The following ZNF431 variants were observed in gnomAD, a reference collection of about 807,000 sequenced individuals.
The protein encoded by ZNF431 is zinc finger protein 431.
Under a neutral mutation model 57.0 loss-of-function variants are expected in ZNF431, and 34 were observed. That is an observed-to-expected ratio of 0.60 (90% CI 0.45 to 0.79). The LOEUF (loss-of-function observed/expected upper bound fraction) is 0.79. Among genes scored for constraint, ZNF431 ranks in the 30% least tolerant of loss-of-function variants. The probability of loss-of-function intolerance (pLI) is 0.00; values close to 1 mark genes in which losing one functional copy is unlikely to be tolerated. For missense variants in ZNF431, 607 were observed against 667.1 expected (o/e 0.91, Z 0.99); for synonymous variants, 207 against 220.3 (o/e 0.94, Z 0.54).
rs997564803 is a variant in ZNF431 at position 21,187,981 on chromosome 19, G to C, written c.*3947G>C. The C allele has an allele frequency of 2.6e-5, 4 of 152,102 alleles. No homozygotes were observed. The highest frequency in any genetic ancestry group is 4.8e-5 in the African/African-American group (2 of 41,404). The allele number at this position is 152,102 out of a possible 1,614,324, so 9.4% of individuals were successfully genotyped here. ...TGCTTATCAGAACAGTTAAAAGGCA[G>C]CCAGGTGTGGCTCACGCCTGTAATC... is the stretch of plus-strand genomic sequence containing the variant. On this transcript the variant is annotated 3_prime_UTR_variant, in exon 5 of 5. Transcript: ENST00000311048.
rs991790754 is a variant in ZNF431 at position 21,194,703 on chromosome 19, C to T, written c.*10669C>T. The T allele has an allele frequency of 6.6e-6, 1 of 152,026 alleles. No individual in the cohort carries two copies. Among genetic ancestry groups the T allele is most frequent in the Non-Finnish European group, 1.5e-5 (1 of 68,008 alleles). The allele number at this position is 152,026 out of a possible 1,614,324, so 9.4% of individuals were successfully genotyped here. A position where few individuals can be genotyped will look rare whatever the true frequency, so the allele number is the denominator to read the frequency against. On this transcript the variant is annotated 3_prime_UTR_variant, in exon 5 of 5. Coordinates refer to ENST00000311048, the MANE Select transcript of ZNF431 (RefSeq NM_133473.4). ...AGGCTGGTCTCAAACTCCCGGCGTC[C>T]CAAAGTGCTGGGATTACAGGTGCGA...
intron 4 of ZNF431, among the ~76,000 whole-genome samples, chr19:21,177,133 A>T (rs1230159684): frequency 2.6e-5 from 4 of 152,278 alleles, no homozygotes; most frequent in Admixed American, 2.0e-4. Flanking sequence ...AGTATTGCCT[A>T]GATTTTCTTC....
At chr19:21,149,625 A>G (rs1200832100) in intron 2 of ZNF431, 2 of 301,272 alleles carry the variant, frequency 6.6e-6, no homozygotes, top group Non-Finnish European at 1.3e-5. Context: ...ATTTTTATGT[A>G]TAGAAAACTC....
rs2145079308 is a variant in ZNF431 at position 21,191,227 on chromosome 19, G to C, written c.*7193G>C. On this transcript the variant is annotated 3_prime_UTR_variant, in exon 5 of 5. Coordinates refer to ENST00000311048, the MANE Select transcript of ZNF431 (RefSeq NM_133473.4). Reference sequence around the variant, plus strand: ...CCCAGCACTTTGGGAGGCCGAGGCAGGTGGATCACGAGGTCAGAAGTTCGA... The same window carrying C: ...CCCAGCACTTTGGGAGGCCGAGGCACGTGGATCACGAGGTCAGAAGTTCGA... The C allele has an allele frequency of 6.6e-6, 1 of 152,212 alleles. No individual in the cohort carries two copies. The highest frequency in any genetic ancestry group is 2.1e-4 in the South Asian group (1 of 4,814). 9.4% of individuals were successfully genotyped at this position (152,212 alleles called of 1,614,324 possible).
At chr19:21,157,699 T>G (rs963076566) in intron 2 of ZNF431, among the ~76,000 whole-genome samples, 5 of 149,942 alleles carry the variant, frequency 3.3e-5, no homozygotes, top group African/African-American at 1.3e-4. Context: ...GCCTGGCTAA[T>G]TTTTTTGGAT....
At chr19:21,155,336 T>G (rs1599584622) in intron 2 of ZNF431, among the ~76,000 whole-genome samples, 1 of 152,198 alleles carries the variant, frequency 6.6e-6, no homozygotes, top group African/African-American at 2.4e-5. Context: ...GTTGTAGATA[T>G]GCAGCATTAT....
chr19:21,160,410 A>G (rs1970539504), intron 2 of ZNF431, among the ~76,000 whole-genome samples: 1 of 152,228 alleles, frequency 6.6e-6, no homozygotes, highest in Admixed American at 6.5e-5. Flanking sequence ...CAGAGCCATG[A>G]CAACCACAAC....
In ZNF431 at chr19:21,185,329, T is replaced by G. The variant is rs1971341557; in HGVS notation, c.*1295T>G. The G allele has an allele frequency of 6.6e-6, 1 of 152,202 alleles. No homozygotes were observed. The highest frequency in any genetic ancestry group is 2.1e-4 in the South Asian group (1 of 4,834). 9.4% of individuals were successfully genotyped at this position (152,202 alleles called of 1,614,324 possible). ...TTATTTCTTGAAAAATATTACAGAT[T>G]TTTTGAAAATTGAATAATGTCATCA... On this transcript the variant is annotated 3_prime_UTR_variant, in exon 5 of 5. Transcript: ENST00000311048.
intron 4 of ZNF431, among the ~76,000 whole-genome samples, chr19:21,173,754 T>G (rs1970972526): frequency 6.6e-6 from 1 of 152,102 alleles, no homozygotes; most frequent in African/African-American, 2.4e-5. Context: ...CTTGAACTCC[T>G]GACCTCAGAT....
At chr19:21,172,396 C>T (rs1970925448) in intron 4 of ZNF431, among the ~76,000 whole-genome samples, 1 of 150,292 alleles carries the variant, frequency 6.7e-6, no homozygotes, top group African/African-American at 2.5e-5. Context: ...CCACCACACT[C>T]CAGCCTGGGT....
rs947420992 is a variant in ZNF431 at position 21,186,116 on chromosome 19, C to G, written c.*2082C>G. ...TGGCCAATATGGAGAAATCCCGTCT[C>G]TACTAAAAATACAAAAATTAGCCAG... On this transcript the variant is annotated 3_prime_UTR_variant, in exon 5 of 5. Coordinates refer to ENST00000311048, the MANE Select transcript of ZNF431 (RefSeq NM_133473.4). The G allele has an allele frequency of 2.0e-5, 3 of 151,890 alleles. No individual in the cohort carries two copies. The highest frequency in any genetic ancestry group is 4.4e-5 in the Non-Finnish European group (3 of 68,000). 9.4% of individuals were successfully genotyped at this position (151,890 alleles called of 1,614,324 possible). A position where few individuals can be genotyped will look rare whatever the true frequency, so the allele number is the denominator to read the frequency against.
At chr19:21,145,877 C>G (rs1006824983) in intron 2 of ZNF431, among the ~76,000 whole-genome samples, 1 of 151,880 alleles carries the variant, frequency 6.6e-6, no homozygotes, top group Non-Finnish European at 1.5e-5. Context: ...GCAAATGAAC[C>G]GTGAAAAATC....
In ZNF431 at chr19:21,190,974, T is replaced by G. The variant is rs1971499357; in HGVS notation, c.*6940T>G. On this transcript the variant is annotated 3_prime_UTR_variant, in exon 5 of 5. Coordinates refer to ENST00000311048, the MANE Select transcript of ZNF431 (RefSeq NM_133473.4). ...TCCGGCCTATTATTTTTAATAATTT[T>G]TTATTGTTGTCATTTTAAATACACT... 6.6e-6 allele frequency: 1 copy of G among 152,124 alleles called. No individual in the cohort carries two copies. The highest frequency in any genetic ancestry group is 1.5e-5 in the Non-Finnish European group (1 of 68,032). 9.4% of individuals were successfully genotyped at this position (152,124 alleles called of 1,614,324 possible).
In ZNF431 at chr19:21,180,631, A is replaced by G. The variant is rs142531961; in HGVS notation, c.320-1992A>G. ...ATTATATAAAACCTCTAAAAGATAC[A>G]ACAATGTATTTTAATCTGGTAAAAA... On this transcript the variant is annotated intron_variant, in intron 4 of 4. Coordinates refer to ENST00000311048, the MANE Select transcript of ZNF431 (RefSeq NM_133473.4). Among the ~76,000 whole-genome samples, 1,351 of 152,334 alleles carry G rather than the reference A, an allele frequency of 8.9e-3. 22 individuals carry two copies. Among genetic ancestry groups the G allele is most frequent in the South Asian group, 0.047 (229 of 4,828 alleles).
rs956215776 is a variant in ZNF431, at chr19:21,192,257, C to G, written c.*8223C>G. On this transcript the variant is annotated 3_prime_UTR_variant, in exon 5 of 5. Coordinates refer to ENST00000311048, the MANE Select transcript of ZNF431 (RefSeq NM_133473.4). ...GATCTTGGCTCACTGCAACCTCTGC[C>G]TCCCTGGCTGAAGCGGTTCTCCTGC... 7.2e-5 allele frequency: 11 copies of G among 152,200 alleles called. No individual in the cohort carries two copies. Among genetic ancestry groups the G allele is most frequent in the African/African-American group, 2.4e-4 (10 of 41,454 alleles). The allele number at this position is 152,200 out of a possible 1,614,324, so 9.4% of individuals were successfully genotyped here.
At chr19:21,169,505 T>C (rs931275254) in intron 4 of ZNF431, among the ~76,000 whole-genome samples, 30 of 152,142 alleles carry the variant, frequency 2.0e-4, no homozygotes, top group African/African-American at 5.6e-4. Flanking sequence ...CCTAGGGTGA[T>C]GGAATGCCCT....
intron 2 of ZNF431, among the ~76,000 whole-genome samples, chr19:21,157,295 G>A (rs576597430): frequency 1.8e-3 from 268 of 152,032 alleles, no homozygotes; most frequent in Non-Finnish European, 3.1e-3. Flanking sequence ...GTGCCATCAC[G>A]CCCGGCTAAT....
In ZNF431 at chr19:21,188,342, T is replaced by C. The variant is rs572782701; in HGVS notation, c.*4308T>C. Reference sequence around the variant, plus strand: ...GTCAGCTTTGTTTTTAAAAGAAAAATCTTACTAGATTCTTATACAAAGTGT... The same window carrying C: ...GTCAGCTTTGTTTTTAAAAGAAAAACCTTACTAGATTCTTATACAAAGTGT... On this transcript the variant is annotated 3_prime_UTR_variant, in exon 5 of 5. Transcript: ENST00000311048. 2.8e-4 allele frequency: 42 copies of C among 151,044 alleles called. 1 individual carries two copies. The East Asian group carries it at 7.8e-3, about 28-fold the overall frequency. 9.4% of individuals were successfully genotyped at this position (151,044 alleles called of 1,614,324 possible).
At chr19:21,146,852 G>A (rs1970112967) in intron 2 of ZNF431, among the ~76,000 whole-genome samples, 1 of 152,142 alleles carries the variant, frequency 6.6e-6, no homozygotes, top group African/African-American at 2.4e-5. Context: ...CAAAATAGAT[G>A]TGCTCTGGTT....
Sources: allele counts gnomAD v4.1 joint callset (sites outside exome capture counted in the v4.1 genomes callset), GRCh38; gene constraint gnomAD v4.1.1; transcripts MANE v1.5; gene names NCBI Gene and HGNC (gene_info 2026-07-23, HGNC 2026-07-21).